ATG5: variants seen among roughly 807,000 people sequenced by gnomAD.
The protein encoded by ATG5 is autophagy related 5, also known as autophagy protein 5.
Under a neutral mutation model 36.5 loss-of-function variants are expected in ATG5, and 14 were observed. That is an observed-to-expected ratio of 0.38 (90% CI 0.25 to 0.60). The LOEUF is 0.60. Among genes scored for constraint, ATG5 ranks in the 20% least tolerant of loss-of-function variants. ATG5 has a pLI of 0.60. For synonymous variants in ATG5, 95 were observed against 101.5 expected (o/e 0.94, Z 0.38); for missense variants, 195 against 326.7 (o/e 0.60, Z 3.11).
At chr6:106,201,912 C>T (rs1399313165) in intron 7 of ATG5, 60 bp downstream of exon 7, 4 of 1,280,404 alleles carry the variant, frequency 3.1e-6, no homozygotes, top group Admixed American at 1.9e-5. Flanking sequence ...ATGTGGAATG[C>T]TTATTTTACT....
intron 1 of ATG5, among the ~76,000 whole-genome samples, chr6:106,317,636 T>C (rs1006133260): frequency 2.6e-5 from 4 of 152,214 alleles, no homozygotes; most frequent in African/African-American, 7.2e-5. Flanking sequence ...TATTAAAATA[T>C]ATCCATAAAA....
intron 2 of ATG5, among the ~76,000 whole-genome samples, chr6:106,308,703 T>C (rs570342125): frequency 6.6e-6 from 1 of 152,294 alleles, no homozygotes; most frequent in South Asian, 2.1e-4. Context: ...AAGCACAGCT[T>C]ACCACATAAA....
chr6:106,293,523 C>T (rs1171268282), intron 3 of ATG5, among the ~76,000 whole-genome samples: 1 of 152,124 alleles, frequency 6.6e-6, no homozygotes, highest in East Asian at 1.9e-4. Flanking sequence ...GCAACTAAAA[C>T]GCATGCAAAT....
chr6:106,203,769 G>C (rs1438888782), intron 6 of ATG5, among the ~76,000 whole-genome samples: 1 of 152,042 alleles, frequency 6.6e-6, no homozygotes, highest in Non-Finnish European at 1.5e-5. Context: ...TTTTGTAGAA[G>C]GGGGTCTCAC....
intron 2 of ATG5, among the ~76,000 whole-genome samples, chr6:106,309,540 T>C (rs1485760714): frequency 6.6e-6 from 1 of 152,136 alleles, no homozygotes; most frequent in Non-Finnish European, 1.5e-5. Context: ...ATATAAGTTA[T>C]TCTTTTATAA....
chr6:106,228,750 A>AAATACTGGGC (rs1334495854), intron 6 of ATG5, among the ~76,000 whole-genome samples: 2 of 152,250 alleles, frequency 1.3e-5, no homozygotes, highest in South Asian at 4.1e-4. Flanking sequence ...AATTGGAGGA[A>AAATACTGGGC]AATACTGGGC....
intron 5 of ATG5, among the ~76,000 whole-genome samples, chr6:106,272,806 T>C (rs1369651136): frequency 6.6e-6 from 1 of 152,132 alleles, no homozygotes; most frequent in East Asian, 1.9e-4. Context: ...TTTGCAGCCA[T>C]GAAGATCAAA....
chr6:106,246,806 C>G (rs1401347403), intron 6 of ATG5, among the ~76,000 whole-genome samples: 3 of 152,062 alleles, frequency 2.0e-5, no homozygotes, highest in Non-Finnish European at 4.4e-5. Context: ...TGTGGGAATG[C>G]CTTACGGCAT....
At chr6:106,267,931 A>T (rs965684239) in intron 5 of ATG5, among the ~76,000 whole-genome samples, 5 of 152,184 alleles carry the variant, frequency 3.3e-5, no homozygotes, top group Non-Finnish European at 7.4e-5. Flanking sequence ...TAGGCATGGG[A>T]AAAGACTTCA....
intron 3 of ATG5, among the ~76,000 whole-genome samples, chr6:106,305,872 A>G (rs909627070): frequency 3.3e-5 from 5 of 152,212 alleles, no homozygotes; most frequent in African/African-American, 9.7e-5. Context: ...CTATTACTGG[A>G]AGCAAAGAGA....
At chr6:106,274,901 T>C (rs1225375407) in intron 5 of ATG5, among the ~76,000 whole-genome samples, 1 of 152,142 alleles carries the variant, frequency 6.6e-6, no homozygotes, top group African/African-American at 2.4e-5. Flanking sequence ...CAGAGTGTGA[T>C]AAAATACAAG....
intron 6 of ATG5, among the ~76,000 whole-genome samples, chr6:106,211,083 G>C (rs1776834364): frequency 6.6e-6 from 1 of 152,208 alleles, no homozygotes; most frequent in African/African-American, 2.4e-5. Flanking sequence ...TAGAAATGTT[G>C]GTTTATTAAA....
intron 6 of ATG5, among the ~76,000 whole-genome samples, chr6:106,223,625 G>A (rs144915225): frequency 1.3e-5 from 2 of 152,140 alleles, no homozygotes; most frequent in South Asian, 2.1e-4. Flanking sequence ...TATCATTCAC[G>A]CATTCACTAT....
At chr6:106,313,914 C>T (rs762092045) in intron 2 of ATG5, among the ~76,000 whole-genome samples, 28 of 152,088 alleles carry the variant, frequency 1.8e-4, no homozygotes, top group Non-Finnish European at 3.5e-4. Flanking sequence ...TTGGATTGTG[C>T]CATATGGTTT....
At chr6:106,263,009 T>C (rs1410327851) in intron 5 of ATG5, among the ~76,000 whole-genome samples, 2 of 152,090 alleles carry the variant, frequency 1.3e-5, no homozygotes, top group African/African-American at 4.8e-5. Context: ...TTCATTCCCC[T>C]GGAAAGGGTG....
At chr6:106,315,178 GAGC>G (rs1227764059) in intron 2 of ATG5, among the ~76,000 whole-genome samples, 1 of 152,180 alleles carries the variant, frequency 6.6e-6, no homozygotes, top group East Asian at 1.9e-4. Context: ...GCAGGCTGAG[GAGC>G]AGCACTGCCT....
At chr6:106,195,482 A>G (rs559404046) in intron 7 of ATG5, among the ~76,000 whole-genome samples, 2 of 152,294 alleles carry the variant, frequency 1.3e-5, no homozygotes, top group East Asian at 1.9e-4. Context: ...GATACTCTAC[A>G]TAGATTTTTA....
chr6:106,302,634 G>A (rs1770264591), intron 3 of ATG5, among the ~76,000 whole-genome samples: 1 of 151,902 alleles, frequency 6.6e-6, no homozygotes, highest in African/African-American at 2.4e-5. Context: ...AGATGATGAG[G>A]GAATCAAGAG....
At chr6:106,282,398 C>A (rs916064280) in intron 4 of ATG5, among the ~76,000 whole-genome samples, 5 of 152,142 alleles carry the variant, frequency 3.3e-5, no homozygotes, top group Non-Finnish European at 7.4e-5. Flanking sequence ...TTACTAGGTT[C>A]CTGTTTTTTT....
Sources: allele counts gnomAD v4.1 joint callset (sites outside exome capture counted in the v4.1 genomes callset), GRCh38; gene constraint gnomAD v4.1.1; transcripts MANE v1.5; gene names NCBI Gene and HGNC (gene_info 2026-07-23, HGNC 2026-07-21).